The following CPEB1 variants were observed in gnomAD, a reference collection of about 807,000 sequenced individuals.
CPEB1 encodes cytoplasmic polyadenylation element binding protein 1, also known as cytoplasmic polyadenylation element-binding protein 1.
Under a neutral mutation model 65.8 loss-of-function variants are expected in CPEB1, and 7 were observed. The ratio of observed to expected loss-of-function variants is 0.11; its 90% confidence interval spans 0.06 to 0.20. The LOEUF (loss-of-function observed/expected upper bound fraction) is 0.20. Ranked by LOEUF, CPEB1 falls within the 10% of genes least tolerant of loss-of-function variation. The pLI, the probability that CPEB1 is intolerant of heterozygous loss-of-function variation, is 1.00. For missense variants in CPEB1, 551 were observed against 712.2 expected (o/e 0.77, Z 2.58); for synonymous variants, 262 against 260.0 (o/e 1.01, Z -0.08).
intron 3 of CPEB1, among the ~76,000 whole-genome samples, chr15:82,624,572 G>A (rs1432627585): frequency 6.6e-6 from 1 of 151,978 alleles, no homozygotes; most frequent in African/African-American, 2.4e-5. Flanking sequence ...CTTGTACTTC[G>A]GCTACTGACC....
At chr15:82,573,563 C>T (rs1181062446) in intron 3 of CPEB1, among the ~76,000 whole-genome samples, 1 of 152,074 alleles carries the variant, frequency 6.6e-6, no homozygotes, top group African/African-American at 2.4e-5. Flanking sequence ...CCCCATACCC[C>T]AATCTGAGGG....
intron 3 of CPEB1, chr15:82,573,295 G>T: frequency 2.5e-6 from 2 of 807,108 alleles, no homozygotes; most frequent in Non-Finnish European, 3.7e-6. Flanking sequence ...CCTCCTGGCT[G>T]TAGATATTCT....
rs2034841003 is a variant in CPEB1 at position 82,544,652 on chromosome 15, C to T, written c.1707G>A (p.Met569Ile). The change falls in exon 13 of 13, where the codon ATG becomes ATA. Residue 569 changes from methionine (M) to isoleucine (I), a missense_variant. Physicochemically the swap from Met to Ile is conservative, Grantham distance 10. Around this residue, in one of 6 missense-constraint regions of CPEB1, gnomAD observed 98 missense variants for 157.6 expected, o/e 0.62. Coordinates refer to ENST00000684509, the MANE Select transcript of CPEB1 (RefSeq NM_001365242.1). The stretch of plus-strand genomic sequence containing the variant: ...GGGGGCTGTGGTGGCGCAGGCCCTC[C>T]ATGCTGTGCCGCCAGTGCCAGCAGC... Reference protein sequence around the residue: ...CRSCWHWRHSMEGLRHHSPLM... With the variant: ...CRSCWHWRHSIEGLRHHSPLM... 8 of 1,613,426 alleles carry T rather than the reference C, an allele frequency of 5.0e-6. No individual in the cohort carries two copies. Among genetic ancestry groups the T allele is most frequent in the Middle Eastern group, 3.5e-4 (2 of 5,666 alleles).
intron 1 of CPEB1, among the ~76,000 whole-genome samples, chr15:82,632,186 A>G (rs7181761): frequency 0.41 from 61,432 of 151,448 alleles, 12,700 homozygotes; most frequent in African/African-American, 0.49. Flanking sequence ...GTTTCACCAC[A>G]TTAGTCAGGA....
At chr15:82,610,459 G>GATGGATTACACACTATGACCAA (rs1193758329) in intron 3 of CPEB1, among the ~76,000 whole-genome samples, 2 of 151,998 alleles carry the variant, frequency 1.3e-5, no homozygotes, top group African/African-American at 4.8e-5. Flanking sequence ...TGGCATCTAA[G>GATGGATTACACACTATGACCAA]ATGGATTACA....
Position 82,571,475 on chromosome 15 carries a change from T to C in CPEB1, c.329A>G (p.Gln110Arg), listed in dbSNP as rs1391333807. 3.7e-6 allele frequency: 6 copies of C among 1,614,184 alleles called. No homozygotes were observed. The highest frequency in any genetic ancestry group is 5.1e-6 in the Non-Finnish European group (6 of 1,180,026). ...TSRMLFPTSAQESSRGLPDAN... is the reference protein window; with the variant it reads ...TSRMLFPTSARESSRGLPDAN... ...ATCTGGGAGGCCACGGGAAGATTCT[T>C]GCGCAGAGGTTGGGAAAAGCATCCT... Residue 110 changes from glutamine (Q) to arginine (R), a missense_variant, in exon 4 of 13, where the codon CAA becomes CGA. Physicochemically the swap from Gln to Arg is conservative, Grantham distance 43. Around this residue, in one of 6 missense-constraint regions of CPEB1, gnomAD observed 223 missense variants for 228.6 expected, o/e 0.98. Transcript: ENST00000684509.
At chr15:82,641,422 T>C (rs998452170) in intron 1 of CPEB1, among the ~76,000 whole-genome samples, 16 of 152,184 alleles carry the variant, frequency 1.1e-4, no homozygotes, top group Non-Finnish European at 2.4e-4. Context: ...TCACAGTAAC[T>C]GTTCTCTTCC....
chr15:82,545,555 C>T (rs1264570996), intron 12 of CPEB1, among the ~76,000 whole-genome samples: 5 of 152,082 alleles, frequency 3.3e-5, no homozygotes, highest in South Asian at 2.1e-4. Context: ...TCTCAGGGTC[C>T]GCCCCAAACC....
At chr15:82,609,436 G>A (rs931721401) in intron 3 of CPEB1, among the ~76,000 whole-genome samples, 4 of 151,896 alleles carry the variant, frequency 2.6e-5, no homozygotes, top group Admixed American at 6.6e-5. Context: ...GGGAGGTCGC[G>A]GCTGCAGTGA....
chr15:82,545,757 A>G (rs566110682), intron 12 of CPEB1, among the ~76,000 whole-genome samples: 15 of 152,316 alleles, frequency 9.8e-5, no homozygotes, highest in African/African-American at 3.6e-4. Context: ...CCAGAAGTTC[A>G]GATGTAAAGG....
intron 1 of CPEB1, among the ~76,000 whole-genome samples, chr15:82,630,672 G>A (rs1423186671): frequency 1.3e-5 from 2 of 152,116 alleles, no homozygotes; most frequent in East Asian, 1.9e-4. Flanking sequence ...AGACTACAAC[G>A]TGCTGTAAAT....
At chr15:82,580,849 C>CTTTTTTT (rs113794355) in intron 3 of CPEB1, among the ~76,000 whole-genome samples, 2 of 147,230 alleles carry the variant, frequency 1.4e-5, no homozygotes, top group South Asian at 2.1e-4. Flanking sequence ...TCCCCAATTT[C>CTTTTTTT]TTTTTTTTTT....
intron 3 of CPEB1, among the ~76,000 whole-genome samples, chr15:82,616,591 G>A (rs2044737246): frequency 7.2e-6 from 1 of 138,626 alleles, no homozygotes; most frequent in African/African-American, 2.8e-5. Flanking sequence ...CGCCCAGACT[G>A]GAGTGCAGTG....
At chr15:82,565,814 T>C (rs2039027816) in intron 4 of CPEB1, among the ~76,000 whole-genome samples, 2 of 152,202 alleles carry the variant, frequency 1.3e-5, no homozygotes, top group Non-Finnish European at 2.9e-5. Context: ...AGCTCTGGTG[T>C]CCAAGTGTCC....
chr15:82,631,457 C>T (rs371324231), intron 1 of CPEB1, among the ~76,000 whole-genome samples: 88 of 151,974 alleles, frequency 5.8e-4, no homozygotes, highest in African/African-American at 2.0e-3. Context: ...TGTCAGATGG[C>T]GAACAGATCT....
At chr15:82,647,819 C>T (rs2047709903), upstream of CPEB1, 5 of 1,283,238 alleles carry the variant, frequency 3.9e-6, no homozygotes, top group African/African-American at 1.5e-5. Context: ...GCGGCCGGGA[C>T]GCGGCCCCGC....
intron 4 of CPEB1, among the ~76,000 whole-genome samples, chr15:82,565,616 G>A (rs1456320787): frequency 1.3e-5 from 2 of 152,174 alleles, no homozygotes; most frequent in Non-Finnish European, 2.9e-5. Flanking sequence ...CCCCATCATG[G>A]GGCACACAAC....
In CPEB1 at chr15:82,555,841, G is replaced by A. The variant is rs1487341923; in HGVS notation, c.940+29C>T. 4 of 1,593,912 alleles carry A rather than the reference G, an allele frequency of 2.5e-6. No homozygotes were observed. In the South Asian group the frequency reaches 4.6e-5, roughly 18 times the overall value. On this transcript the variant is annotated intron_variant, in intron 6 of 12. Coordinates refer to ENST00000684509, the MANE Select transcript of CPEB1 (RefSeq NM_001365242.1). ...TCTCTGCTCCCAAAATGAGGCCTCA[G>A]GCCTCACACATGCTCAAGGCACACT...
At chr15:82,617,341 TAA>T (rs2151277815) in intron 3 of CPEB1, among the ~76,000 whole-genome samples, 2 of 152,322 alleles carry the variant, frequency 1.3e-5, no homozygotes, top group African/African-American at 4.8e-5. Context: ...CTATTATATA[TAA>T]AGAGGCTATG....
Sources: gnomAD v4.1 joint callset for allele counts (sites outside exome capture counted in the v4.1 genomes callset) on GRCh38, gnomAD v4.1.1 for gene constraint, gnomAD v4.1.1 regional missense constraint, MANE v1.5 for transcripts, NCBI Gene and HGNC (gene_info 2026-07-23, HGNC 2026-07-21) for gene names.